Variants in HDAC5 observed in about 807,000 individuals in gnomAD.
HDAC5 encodes the protein histone deacetylase 5.
A neutral mutation model predicts 133.3 loss-of-function variants in HDAC5; 25 were observed. That is an observed-to-expected ratio of 0.19 (90% CI 0.14 to 0.26). The LOEUF (loss-of-function observed/expected upper bound fraction) is 0.26, where lower values mean the gene tolerates loss of function less well. HDAC5 is among the 10% of genes least tolerant of loss of function. The pLI is 1.00. For missense variants in HDAC5, 1,041 were observed against 1,460.5 expected (o/e 0.71, Z 4.68); for synonymous variants, 589 against 610.8 (o/e 0.96, Z 0.53).
chr17:44,078,518 G>T lies in HDAC5; in HGVS notation c.3311C>A (p.Ala1104Asp). ...TGCTTACCTGGGGCTGTGTTCCCGG[G>T]CTGCCGCAGCCTGGGCCTGCTCGGC... ...VGAEQAQAAA[A>D]REHSPRPAEE... is the part of the protein sequence containing the mutation. Residue 1104 changes from alanine (A) to aspartate (D), a missense_variant, in exon 26 of 27, where the codon GCC becomes GAC. By Grantham distance (126) the Ala-to-Asp change is moderately radical. Transcript: ENST00000682912. The T allele has an allele frequency of 6.2e-7, 1 of 1,610,178 alleles. No homozygotes were observed. Among genetic ancestry groups the T allele is most frequent in the South Asian group, 1.1e-5 (1 of 90,722 alleles).
At chr17:44,110,888 G>A (rs755759479) in intron 2 of HDAC5, 88 bp from the exon 3 acceptor site, 1 of 1,158,122 alleles carries the variant, frequency 8.6e-7, no homozygotes, top group Non-Finnish European at 1.3e-6. Context: ...ATGCCAGGGA[G>A]GGGGCCGCCA....
At chr17:44,119,760 T>G (rs2052872251) in intron 1 of HDAC5, among the ~76,000 whole-genome samples, 1 of 152,078 alleles carries the variant, frequency 6.6e-6, no homozygotes, top group African/African-American at 2.4e-5. Context: ...GGGTGGGACA[T>G]GAAGGGGAGA....
intron 3 of HDAC5, among the ~76,000 whole-genome samples, chr17:44,097,658 TCAGCCAAGCAATGGA>T: frequency 6.6e-6 from 1 of 152,350 alleles, no homozygotes; most frequent in South Asian, 2.1e-4. Flanking sequence ...CTCTGATCAC[TCAGCCAAGCAATGGA>T]CAGCCGTCAA....
intron 23 of HDAC5, among the ~76,000 whole-genome samples, chr17:44,079,650 A>G (rs1043166694): frequency 1.3e-5 from 2 of 151,510 alleles, no homozygotes; most frequent in African/African-American, 4.8e-5. Context: ...AAAAAAAAAA[A>G]AAAAAAAAAA....
At position 44,078,486 on chromosome 17, in the gene HDAC5, G is replaced by C. The variant is rs776753427; in HGVS notation, c.3329+14C>G. On this transcript the variant is annotated intron_variant, in intron 26 of 26. Coordinates refer to ENST00000682912, the MANE Select transcript of HDAC5 (RefSeq NM_005474.5). Reference sequence around the variant, plus strand: ...AGGGGTGAGGGCAGAGAGGTGGTGCGGGTTGCTGCTTACCTGGGGCTGTGT... The same window carrying C: ...AGGGGTGAGGGCAGAGAGGTGGTGCCGGTTGCTGCTTACCTGGGGCTGTGT... 2 of 1,599,582 alleles carry C rather than the reference G, an allele frequency of 1.3e-6. No individual in the cohort carries two copies. Among genetic ancestry groups the C allele is most frequent in the Non-Finnish European group, 1.7e-6 (2 of 1,171,832 alleles).
intron 1 of HDAC5, among the ~76,000 whole-genome samples, chr17:44,120,869 G>A (rs1015227636): frequency 2.0e-5 from 3 of 151,952 alleles, no homozygotes; most frequent in Non-Finnish European, 4.4e-5. Flanking sequence ...AGCTTCTGTT[G>A]CCTAGTGCCT....
intron 3 of HDAC5, among the ~76,000 whole-genome samples, chr17:44,101,180 C>A (rs1317109052): frequency 1.3e-5 from 2 of 150,354 alleles, no homozygotes; most frequent in Non-Finnish European, 3.0e-5. Context: ...CTGAGACAGG[C>A]AGATCACGAG....
At chr17:44,099,449 G>A (rs2051452931) in intron 3 of HDAC5, among the ~76,000 whole-genome samples, 1 of 152,082 alleles carries the variant, frequency 6.6e-6, no homozygotes, top group African/African-American at 2.4e-5. Context: ...GGGTTGCTGA[G>A]TGGGTGGGGC....
In HDAC5 at chr17:44,080,570, C is replaced by T; in HGVS notation, c.2728-72G>A. 3 of 1,533,226 alleles carry T rather than the reference C, an allele frequency of 2.0e-6. No individual in the cohort carries two copies. The South Asian group carries it at 3.4e-5, about 17-fold the overall frequency. 95.0% of individuals were successfully genotyped at this position (1,533,226 alleles called of 1,614,324 possible). A position where few individuals can be genotyped will look rare whatever the true frequency, so the allele number is the denominator to read the frequency against. On this transcript the variant is annotated intron_variant, in intron 21 of 26. Transcript: ENST00000682912. Reference sequence around the variant, plus strand: ...CCAAACATTGCCCCTGCCCTCACCCCTGCCTCCAGATCTCACTCCACTGAC... The same window carrying T: ...CCAAACATTGCCCCTGCCCTCACCCTTGCCTCCAGATCTCACTCCACTGAC...
At chr17:44,115,465 G>C (rs2052591877) in intron 2 of HDAC5, among the ~76,000 whole-genome samples, 1 of 152,210 alleles carries the variant, frequency 6.6e-6, no homozygotes, top group South Asian at 2.1e-4. Flanking sequence ...CAAGGCATGT[G>C]GTTTCCAGGC....
chr17:44,089,215 A>G (rs2050811072), intron 11 of HDAC5, among the ~76,000 whole-genome samples: 1 of 152,242 alleles, frequency 6.6e-6, no homozygotes, highest in South Asian at 2.1e-4. Flanking sequence ...AAAATATCTC[A>G]TTGGTAACTG....
intron 1 of HDAC5, chr17:44,123,297 C>T: frequency 3.1e-6 from 1 of 320,458 alleles, no homozygotes; most frequent in Non-Finnish European, 5.7e-6. Flanking sequence ...GGGAGGGGCG[C>T]GCGCAGCAAC....
rs1389744606 is a variant in HDAC5, at chr17:44,077,850, A to C, written c.*526T>G. The C allele has an allele frequency of 3.9e-5, 6 of 153,154 alleles. No individual in the cohort carries two copies. Among genetic ancestry groups the C allele is most frequent in the African/African-American group, 1.4e-4 (6 of 41,476 alleles). 9.5% of individuals were successfully genotyped at this position (153,154 alleles called of 1,614,324 possible). On this transcript the variant is annotated 3_prime_UTR_variant, in exon 27 of 27. Transcript: ENST00000682912. ...GGGGTCTGCAGAGATGGTGAGGACGAAAGAAGGGGAAAGGGTGGAGAATCG... is the reference window on the plus strand; with the variant it reads ...GGGGTCTGCAGAGATGGTGAGGACGCAAGAAGGGGAAAGGGTGGAGAATCG...
chr17:44,122,592 T>C (rs1283334536), intron 1 of HDAC5, among the ~76,000 whole-genome samples: 1 of 151,872 alleles, frequency 6.6e-6, no homozygotes, highest in African/African-American at 2.4e-5. Context: ...CAGCCAGGGG[T>C]ATCAAGTGGT....
In HDAC5 at chr17:44,078,178, C is replaced by T. The variant is rs1387457577; in HGVS notation, c.*198G>A. Reference sequence around the variant, plus strand: ...GGACAGGGCTGGGAAGACACCACCACCCCCTGCAGAGGGAGCAGGCTTCTA... The same window carrying T: ...GGACAGGGCTGGGAAGACACCACCATCCCCTGCAGAGGGAGCAGGCTTCTA... On this transcript the variant is annotated 3_prime_UTR_variant, in exon 27 of 27. Transcript: ENST00000682912. 5 of 513,032 alleles carry T rather than the reference C, an allele frequency of 9.7e-6. No individual in the cohort carries two copies. The South Asian group carries it at 1.4e-4, about 14-fold the overall frequency. 31.8% of individuals were successfully genotyped at this position (513,032 alleles called of 1,614,324 possible).
Position 44,092,912 on chromosome 17 carries a change from G to A in HDAC5, c.642-106C>T, listed in dbSNP as rs1023357885. ...TTTATGAAAAATCGTTTGTATATAG[G>A]AAGAGGACGTGGATCTTGGGGAAGG... is the stretch of plus-strand genomic sequence containing the variant. On this transcript the variant is annotated intron_variant, in intron 6 of 26. Transcript: ENST00000682912. 9.1e-6 allele frequency: 6 copies of A among 655,844 alleles called. No homozygotes were observed. In the South Asian group the frequency reaches 1.0e-4, roughly 11 times the overall value. 40.6% of individuals were successfully genotyped at this position (655,844 alleles called of 1,614,324 possible).
intron 2 of HDAC5, among the ~76,000 whole-genome samples, chr17:44,114,220 C>T (rs1045936029): frequency 3.3e-5 from 5 of 152,344 alleles, no homozygotes; most frequent in East Asian, 3.9e-4. Flanking sequence ...GCAGTGAGCA[C>T]AGAGGTGTGC....
chr17:44,114,216 A>G (rs192275249), intron 2 of HDAC5, among the ~76,000 whole-genome samples: 5 of 152,368 alleles, frequency 3.3e-5, no homozygotes, highest in Admixed American at 2.0e-4. Flanking sequence ...CTCTGCAGTG[A>G]GCACAGAGGT....
At position 44,091,392 on chromosome 17, in the gene HDAC5, G is replaced by A. The variant is rs760938209; in HGVS notation, c.1265C>T (p.Ser422Phe). The change falls in exon 11 of 27, where the codon TCT becomes TTT. Residue 422 changes from serine (S) to phenylalanine (F), a missense_variant. Transcript: ENST00000682912. The part of the protein sequence containing the change: ...TLTGKFMSTS[S>F]IPGCLLGVAL... ...CACGCCCAGCAGGCAGCCAGGAATA[G>A]AGGATGTGCTCATGAACTTGCCGGT... 2 of 1,581,638 alleles carry A rather than the reference G, an allele frequency of 1.3e-6. No homozygotes were observed. Among genetic ancestry groups the A allele is most frequent in the Non-Finnish European group, 1.7e-6 (2 of 1,164,254 alleles).
Sources: gnomAD v4.1 joint callset for allele counts (sites outside exome capture counted in the v4.1 genomes callset) on GRCh38, gnomAD v4.1.1 for gene constraint, MANE v1.5 for transcripts, NCBI Gene and HGNC (gene_info 2026-07-23, HGNC 2026-07-21) for gene names.